The following ZNF44 variants were observed in gnomAD, a reference collection of about 807,000 sequenced individuals.
ZNF44 encodes the protein gonadotropin inducible transcription repressor-2.
ZNF44 carries 9 observed loss-of-function variants against 11.7 expected under a neutral mutation model. The observed-to-expected ratio is 0.77, with a 90% confidence interval of 0.46 to 1.35. The LOEUF (loss-of-function observed/expected upper bound fraction) is 1.35. Among genes scored for constraint, ZNF44 ranks in the 40% most tolerant of loss-of-function variants. The pLI is 0.00. For missense variants in ZNF44, 696 were observed against 743.1 expected, an observed-to-expected ratio of 0.94 and a Z score of 0.74; for synonymous variants, 224 against 242.7, an observed-to-expected ratio of 0.92 and a Z score of 0.72.
At chr19:12,240,428 G>A (rs7248832), upstream of ZNF44, among the ~76,000 whole-genome samples, 31 of 136,768 alleles carry the variant, frequency 2.3e-4, no homozygotes, top group African/African-American at 7.4e-4. Flanking sequence ...CTGGGAGACA[G>A]AGTGAGATTC....
chr19:12,280,343 A>G (rs1568451318), intron 1 of ZNF44, among the ~76,000 whole-genome samples: 1 of 152,218 alleles, frequency 6.6e-6, no homozygotes. Context: ...GGAACTGTCT[A>G]TTATACCAGC....
At chr19:12,278,334 G>A (rs1967319714) in intron 1 of ZNF44, among the ~76,000 whole-genome samples, 1 of 152,176 alleles carries the variant, frequency 6.6e-6, no homozygotes, top group Non-Finnish European at 1.5e-5. Flanking sequence ...CTGGCTTACT[G>A]TCAATAAATA....
chr19:12,240,849 A>G (rs970003419), upstream of ZNF44, among the ~76,000 whole-genome samples: 2 of 152,246 alleles, frequency 1.3e-5, no homozygotes, highest in African/African-American at 2.4e-5. Flanking sequence ...AGAAGAAGAT[A>G]TAGGAGAAAT....
downstream of ZNF44, among the ~76,000 whole-genome samples, chr19:12,225,446 T>A (rs916196379): frequency 3.9e-5 from 6 of 152,364 alleles, no homozygotes; most frequent in South Asian, 2.1e-4. Flanking sequence ...TTGTTTTTTT[T>A]AATAGCGCTT....
chr19:12,250,781 G>T (rs1250786814), intron 5 of ZNF44: 3 of 456,132 alleles, frequency 6.6e-6, no homozygotes, highest in African/African-American at 2.0e-5. Context: ...TGAAGAACTA[G>T]AAGCTTTTTC....
upstream of ZNF44, among the ~76,000 whole-genome samples, chr19:12,242,436 G>A (rs1176507642): frequency 3.3e-5 from 5 of 151,310 alleles, no homozygotes; most frequent in Admixed American, 3.3e-4. Flanking sequence ...CGTGAACCTG[G>A]GAGGCGGAGC....
rs1362236943 is a variant in ZNF44 at position 12,275,518 on chromosome 19, G to A, written c.130+438C>T. Among the ~76,000 whole-genome samples the A allele has an allele frequency of 2.0e-5, 3 of 151,962 alleles. No individual in the cohort carries two copies. In the East Asian group the frequency reaches 5.8e-4, roughly 29 times the overall value. On this transcript the variant is annotated intron_variant, in intron 2 of 3. Transcript: ENST00000355684. Reference sequence around the variant, plus strand: ...AAAAAATTAGCTGGGCATGGTGGCGGGCGCCTGTAGTCCCAGCTACTCAGG... The same window carrying A: ...AAAAAATTAGCTGGGCATGGTGGCGAGCGCCTGTAGTCCCAGCTACTCAGG...
chr19:12,257,798 CAAAAAAAAAA>C (rs1221289652), intron 5 of ZNF44, among the ~76,000 whole-genome samples: 1 of 53,670 alleles, frequency 1.9e-5, no homozygotes, highest in African/African-American at 6.7e-5. Context: ...AACTCTGTCT[CAAAAAAAAAA>C]AAAAAAAAAA....
intron 1 of ZNF44, among the ~76,000 whole-genome samples, chr19:12,285,629 C>T (rs1967701374): frequency 6.6e-6 from 1 of 152,196 alleles, no homozygotes; most frequent in African/African-American, 2.4e-5. Context: ...TATAACCCAG[C>T]AATGTTCCCC....
chr19:12,255,862 C>A (rs891311740), intron 5 of ZNF44, among the ~76,000 whole-genome samples: 1 of 151,860 alleles, frequency 6.6e-6, no homozygotes, highest in Non-Finnish European at 1.5e-5. Flanking sequence ...CATGGAGAAA[C>A]CCCGTCTCTA....
chr19:12,238,686 C>T (rs1034740156), upstream of ZNF44, among the ~76,000 whole-genome samples: 3 of 150,360 alleles, frequency 2.0e-5, no homozygotes, highest in Non-Finnish European at 2.9e-5. Flanking sequence ...ATCCCAGCTA[C>T]TCAGGAGGTC....
intron 5 of ZNF44, chr19:12,260,389 C>T (rs1055363344): frequency 2.1e-6 from 3 of 1,410,800 alleles, no homozygotes; most frequent in Non-Finnish European, 2.0e-6. Context: ...GCTGGCGTCA[C>T]GCTCAGCAGC....
chr19:12,238,529 G>C (rs1345860004), upstream of ZNF44, among the ~76,000 whole-genome samples: 1 of 151,182 alleles, frequency 6.6e-6, no homozygotes, highest in Non-Finnish European at 1.5e-5. Flanking sequence ...TCGGGAGGTT[G>C]AGGCAGTAGA....
intron 5 of ZNF44, among the ~76,000 whole-genome samples, chr19:12,251,911 T>C (rs1917014635): frequency 6.6e-6 from 1 of 151,952 alleles, no homozygotes; most frequent in Non-Finnish European, 1.5e-5. Flanking sequence ...ATTAGCTGGG[T>C]GTGGTAGCAC....
At chr19:12,239,183 G>C (rs1327180837), upstream of ZNF44, among the ~76,000 whole-genome samples, 2 of 151,338 alleles carry the variant, frequency 1.3e-5, no homozygotes, top group East Asian at 4.0e-4. Flanking sequence ...CGTGATCTCG[G>C]CTCACTGCAG....
At chr19:12,269,471 G>A (rs1481675073), downstream of ZNF44, among the ~76,000 whole-genome samples, 5 of 152,060 alleles carry the variant, frequency 3.3e-5, no homozygotes, top group South Asian at 2.1e-4. Flanking sequence ...GCAGTGAGCC[G>A]AGATAGCACC....
At chr19:12,265,043 G>C (rs772604687) in intron 5 of ZNF44, among the ~76,000 whole-genome samples, 2 of 151,922 alleles carry the variant, frequency 1.3e-5, no homozygotes, top group African/African-American at 4.8e-5. Context: ...CCTAGGAATT[G>C]TAAGTCTAAG....
intron 1 of ZNF44, chr19:12,293,166 A>T: frequency 6.7e-7 from 1 of 1,491,372 alleles, no homozygotes; most frequent in East Asian, 2.5e-5. Context: ...CACCGCGCCC[A>T]GCCCAGGGGT....
At chr19:12,293,236 TC>T in intron 1 of ZNF44, 1 of 1,536,484 alleles carries the variant, frequency 6.5e-7, no homozygotes, top group Non-Finnish European at 8.7e-7. Flanking sequence ...ATCCACCTGA[TC>T]CTTTGGGAGG....
Sources: gnomAD v4.1 joint callset for allele counts (sites outside exome capture counted in the v4.1 genomes callset) on GRCh38, gnomAD v4.1.1 for gene constraint, MANE v1.5 for transcripts, NCBI Gene and HGNC (gene_info 2026-07-23, HGNC 2026-07-21) for gene names.